The following PACRG variants were observed in gnomAD, a reference collection of about 807,000 sequenced individuals.
The protein encoded by PACRG is parkin coregulated gene protein.
PACRG carries 29 observed loss-of-function variants against 29.7 expected under a neutral mutation model. That is an observed-to-expected ratio of 0.98 (90% CI 0.73 to 1.33). The LOEUF (loss-of-function observed/expected upper bound fraction) is 1.33, where lower values mean the gene tolerates loss of function less well. PACRG is among the 40% of genes most tolerant of loss of function. The probability of loss-of-function intolerance (pLI) is 0.00; values close to 1 mark genes in which losing one functional copy is unlikely to be tolerated. For missense variants in PACRG, 279 were observed against 316.2 expected, an observed-to-expected ratio of 0.88 and a Z score of 0.89; for synonymous variants, 116 against 118.7, an observed-to-expected ratio of 0.98 and a Z score of 0.15.
chr6:163,238,354 G>A (rs1782330628), intron 4 of PACRG, among the ~76,000 whole-genome samples: 1 of 152,156 alleles, frequency 6.6e-6, no homozygotes, highest in Non-Finnish European at 1.5e-5. Flanking sequence ...AAATCCAATT[G>A]ATTCCAGAAC....
chr6:162,955,042 T>C, intron 2 of PACRG, among the ~76,000 whole-genome samples: 1 of 152,184 alleles, frequency 6.6e-6, no homozygotes. Context: ...ACATAACCAT[T>C]ACTCCCTGTT....
At chr6:163,022,697 A>T (rs572954409) in intron 2 of PACRG, among the ~76,000 whole-genome samples, 3 of 152,372 alleles carry the variant, frequency 2.0e-5, no homozygotes, top group Admixed American at 2.0e-4. Context: ...TATGTGGATT[A>T]TTTGCCATTT....
chr6:162,811,612 A>G (rs1463982016), intron 1 of PACRG, among the ~76,000 whole-genome samples: 1 of 152,160 alleles, frequency 6.6e-6, no homozygotes, highest in Non-Finnish European at 1.5e-5. Context: ...AAAAATAAGA[A>G]TAGAGGGGGA....
At chr6:162,877,800 G>A (rs1000542777) in intron 2 of PACRG, among the ~76,000 whole-genome samples, 6 of 152,170 alleles carry the variant, frequency 3.9e-5, no homozygotes, top group African/African-American at 1.2e-4. Flanking sequence ...GCCCAGAAGA[G>A]TCAATATGCC....
intron 4 of PACRG, among the ~76,000 whole-genome samples, chr6:163,202,484 A>T (rs966702731): frequency 6.6e-6 from 1 of 152,066 alleles, no homozygotes; most frequent in Non-Finnish European, 1.5e-5. Flanking sequence ...TGTGTGTATA[A>T]ATATTATAGA....
rs1394149866 is a variant in PACRG, at chr6:163,173,832, G to C, written c.613+84424G>C. The stretch of plus-strand genomic sequence containing the variant: ...GTTCCTAGTTAAAACCTTGGGGTTA[G>C]AGTGTTGGTGCCTTGTCCTCTCCAT... On this transcript the variant is annotated intron_variant, in intron 4 of 4. Coordinates refer to ENST00000366888, the MANE Select transcript of PACRG (RefSeq NM_001080379.2). Among the ~76,000 whole-genome samples the C allele has an allele frequency of 2.0e-5, 3 of 152,232 alleles. No individual in the cohort carries two copies. The East Asian group carries it at 5.8e-4, about 29-fold the overall frequency.
At position 162,926,461 on chromosome 6, in the gene PACRG, A is replaced by G. The variant is rs183070061; in HGVS notation, c.291+112180A>G. ...CACTGGTACCAAAGCAGATGCATAG[A>G]CCACTGAAACAGAATAGAGATCTCA... On this transcript the variant is annotated intron_variant, in intron 2 of 4. Coordinates refer to ENST00000366888, the MANE Select transcript of PACRG (RefSeq NM_001080379.2). Among the ~76,000 whole-genome samples the G allele has an allele frequency of 3.3e-3, 510 of 152,274 alleles. 5 individuals carry two copies. The highest frequency in any genetic ancestry group is 4.9e-3 in the Non-Finnish European group (330 of 68,008).
intron 3 of PACRG, among the ~76,000 whole-genome samples, chr6:163,076,762 G>T (rs763749278): frequency 4.6e-5 from 7 of 152,002 alleles, no homozygotes; most frequent in Non-Finnish European, 7.4e-5. Flanking sequence ...AACATTAAGT[G>T]ACCTTCAAAG....
chr6:162,862,123 G>A (rs558366023), intron 2 of PACRG, among the ~76,000 whole-genome samples: 5 of 152,262 alleles, frequency 3.3e-5, no homozygotes, highest in South Asian at 2.1e-4. Flanking sequence ...GACAGTCCAC[G>A]GGAACTCAGA....
At chr6:163,217,378 T>TC (rs1256029715) in intron 4 of PACRG, among the ~76,000 whole-genome samples, 1 of 152,230 alleles carries the variant, frequency 6.6e-6, no homozygotes, top group African/African-American at 2.4e-5. Context: ...AGGCCAGGGT[T>TC]CCAGGGGAGG....
chr6:162,922,562 C>T (rs966387472), intron 2 of PACRG, among the ~76,000 whole-genome samples: 1 of 151,868 alleles, frequency 6.6e-6, no homozygotes, highest in African/African-American at 2.4e-5. Flanking sequence ...CTCCTTATTT[C>T]CCCCCATCCC....
intron 2 of PACRG, chr6:163,051,776 A>T (rs1410181303): frequency 2.0e-5 from 3 of 152,034 alleles, no homozygotes; most frequent in Non-Finnish European, 4.4e-5. Flanking sequence ...ATCACCTGGA[A>T]CTCACTTCTG....
chr6:163,125,511 G>T (rs1366855470), intron 4 of PACRG, among the ~76,000 whole-genome samples: 1 of 152,126 alleles, frequency 6.6e-6, no homozygotes, highest in African/African-American at 2.4e-5. Flanking sequence ...AACAGTAAAG[G>T]CTTAATGCCC....
intron 2 of PACRG, among the ~76,000 whole-genome samples, chr6:162,922,544 A>C (rs1351986841): frequency 6.6e-6 from 1 of 151,840 alleles, no homozygotes; most frequent in East Asian, 1.9e-4. Flanking sequence ...GTATCCCTTA[A>C]GCAGCCCCTC....
At chr6:163,235,916 A>T (rs202000081) in intron 4 of PACRG, among the ~76,000 whole-genome samples, 1 of 151,794 alleles carries the variant, frequency 6.6e-6, no homozygotes, top group South Asian at 2.1e-4. Context: ...AAACACTAAA[A>T]AAGAAAGGAA....
intron 4 of PACRG, among the ~76,000 whole-genome samples, chr6:163,181,712 T>C (rs1779680187): frequency 6.6e-6 from 1 of 151,972 alleles, no homozygotes; most frequent in Admixed American, 6.6e-5. Context: ...TGATTATTAG[T>C]ACAGTAGTTT....
intron 4 of PACRG, among the ~76,000 whole-genome samples, chr6:163,145,661 A>G (rs1345067902): frequency 6.6e-6 from 1 of 152,214 alleles, no homozygotes; most frequent in African/African-American, 2.4e-5. Context: ...GGACAGCGCC[A>G]CCACAAAGGA....
intron 3 of PACRG, among the ~76,000 whole-genome samples, chr6:163,071,691 T>A (rs1432914913): frequency 2.5e-5 from 3 of 120,638 alleles, no homozygotes; most frequent in African/African-American, 7.3e-5. Flanking sequence ...AAAGACCAGA[T>A]CTAAGTTAGA....
At chr6:162,994,110 C>T (rs12333146) in intron 2 of PACRG, among the ~76,000 whole-genome samples, 10 of 135,036 alleles carry the variant, frequency 7.4e-5, no homozygotes, top group East Asian at 4.0e-4. Context: ...CCGAGAGATC[C>T]GCTGTTAGTC....
Sources: allele counts gnomAD v4.1 joint callset (sites outside exome capture counted in the v4.1 genomes callset), GRCh38; gene constraint gnomAD v4.1.1; transcripts MANE v1.5; gene names NCBI Gene and HGNC (gene_info 2026-07-23, HGNC 2026-07-21).